The following CCDC178 variants were observed in gnomAD, a reference collection of about 807,000 sequenced individuals.
CCDC178 encodes coiled-coil domain-containing protein 178.
A neutral mutation model predicts 117.4 loss-of-function variants in CCDC178; 126 were observed. The ratio of observed to expected loss-of-function variants is 1.07; its 90% CI spans 0.93 to 1.24. The LOEUF is 1.24. CCDC178 is among the 50% of genes most tolerant of loss of function. The pLI is 0.00. For synonymous variants in CCDC178, 283 were observed against 313.4 expected (o/e 0.90, Z 1.02); for missense variants, 1,030 against 986.9 (o/e 1.04, Z -0.59).
At chr18:33,364,854 AT>A (rs2063179880) in intron 6 of CCDC178, among the ~76,000 whole-genome samples, 1 of 152,044 alleles carries the variant, frequency 6.6e-6, no homozygotes, top group South Asian at 2.1e-4. Context: ...TTGACAAACA[AT>A]AATTTCAGAG....
intron 11 of CCDC178, among the ~76,000 whole-genome samples, chr18:33,304,535 G>T (rs2062222781): frequency 6.6e-6 from 1 of 152,176 alleles, no homozygotes; most frequent in African/African-American, 2.4e-5. Context: ...AAGCAACTGA[G>T]TATAGTGCAC....
chr18:33,217,022 G>C (rs1322394130), intron 18 of CCDC178, among the ~76,000 whole-genome samples: 2 of 151,954 alleles, frequency 1.3e-5, no homozygotes, highest in African/African-American at 4.8e-5. Flanking sequence ...CCTCTTCAAA[G>C]GAATCTGGTT....
chr18:33,425,871 C>A (rs969087769), intron 2 of CCDC178, among the ~76,000 whole-genome samples: 1 of 152,058 alleles, frequency 6.6e-6, no homozygotes, highest in African/African-American at 2.4e-5. Flanking sequence ...GGTTCTACAG[C>A]CAGTAGAAAA....
At chr18:33,230,348 A>G (rs2059355513) in intron 15 of CCDC178, among the ~76,000 whole-genome samples, 1 of 152,128 alleles carries the variant, frequency 6.6e-6, no homozygotes, top group African/African-American at 2.4e-5. Context: ...GTCTAAGGTC[A>G]TGGAATTTGT....
At chr18:32,962,331 A>G (rs952634707) in intron 22 of CCDC178, among the ~76,000 whole-genome samples, 1 of 152,054 alleles carries the variant, frequency 6.6e-6, no homozygotes, top group Admixed American at 6.6e-5. Flanking sequence ...ATTTGCCAGT[A>G]TATTTCTCAT....
intron 20 of CCDC178, among the ~76,000 whole-genome samples, chr18:33,164,534 T>G (rs1244346382): frequency 6.6e-6 from 1 of 152,040 alleles, no homozygotes; most frequent in Non-Finnish European, 1.5e-5. Context: ...AAAATATGTA[T>G]TAATTCATTA....
chr18:33,080,433 AAGAAG>A (rs2057279293), intron 21 of CCDC178, among the ~76,000 whole-genome samples: 1 of 152,132 alleles, frequency 6.6e-6, no homozygotes, highest in Non-Finnish European at 1.5e-5. Flanking sequence ...TAAAAAAGAA[AAGAAG>A]AGGAGATCTG....
chr18:33,083,548 T>A (rs1236795693), intron 21 of CCDC178, among the ~76,000 whole-genome samples: 1 of 152,222 alleles, frequency 6.6e-6, no homozygotes, highest in South Asian at 2.1e-4. Context: ...TTTCCTTTTT[T>A]GTTTTTTACT....
At chr18:33,007,750 G>A (rs532655762) in intron 21 of CCDC178, among the ~76,000 whole-genome samples, 1 of 152,176 alleles carries the variant, frequency 6.6e-6, no homozygotes, top group African/African-American at 2.4e-5. Context: ...TACTTGATTG[G>A]TATGACATGA....
At chr18:33,100,365 G>GTTCA (rs112863783) in intron 20 of CCDC178, among the ~76,000 whole-genome samples, 21,539 of 151,750 alleles carry the variant, frequency 0.14, 2,342 homozygotes, top group African/African-American at 0.31. Flanking sequence ...TTTTGTCTCT[G>GTTCA]TTGTATATAT....
intron 11 of CCDC178, among the ~76,000 whole-genome samples, chr18:33,308,736 C>A (rs1030372854): frequency 3.2e-4 from 48 of 152,144 alleles, no homozygotes; most frequent in African/African-American, 1.1e-3. Flanking sequence ...CCATACTATT[C>A]TCATGATAGC....
At chr18:33,217,098 C>A (rs1193152338) in intron 18 of CCDC178, among the ~76,000 whole-genome samples, 1 of 152,042 alleles carries the variant, frequency 6.6e-6, no homozygotes, top group Non-Finnish European at 1.5e-5. Flanking sequence ...ATCTGGTCAT[C>A]TATGCTCATA....
chr18:33,100,703 AT>A (rs1171865144), intron 20 of CCDC178, among the ~76,000 whole-genome samples: 1 of 151,972 alleles, frequency 6.6e-6, no homozygotes, highest in Non-Finnish European at 1.5e-5. Context: ...AAAACACCTG[AT>A]CAATGTGGGT....
At chr18:33,269,301 G>T (rs2059858094) in intron 12 of CCDC178, among the ~76,000 whole-genome samples, 1 of 151,848 alleles carries the variant, frequency 6.6e-6, no homozygotes, top group Non-Finnish European at 1.5e-5. Flanking sequence ...AAAAGGGAAA[G>T]CTGGTGGAAT....
Position 33,267,263 on chromosome 18 carries a change from G to A in CCDC178, c.1211C>T (p.Thr404Ile), listed in dbSNP as rs780910171. 4 of 1,605,194 alleles carry A rather than the reference G, an allele frequency of 2.5e-6. No homozygotes were observed. Among genetic ancestry groups the A allele is most frequent in the Admixed American group, 1.7e-5 (1 of 57,640 alleles). ...EDLRRVYDQL[T>I]WKQKSHENQY... is the part of the protein sequence containing the mutation. ...ATTTTCATGACTTTTTTGCTTCCAG[G>A]TTAGTTGGTCATAAACTCTTCTCAA... The change falls in exon 13 of 23, where the codon ACC (threonine) becomes ATC (isoleucine). Residue 404 changes from threonine (T) to isoleucine (I), a missense_variant. Physicochemically the swap from Thr to Ile is moderately conservative, Grantham distance 89 (BLOSUM62 -1). Transcript: ENST00000383096.
At chr18:33,279,855 G>A (rs1206284748) in intron 12 of CCDC178, among the ~76,000 whole-genome samples, 1 of 152,104 alleles carries the variant, frequency 6.6e-6, no homozygotes, top group Non-Finnish European at 1.5e-5. Flanking sequence ...ATGGGGAAAG[G>A]ATTCCCTATT....
At chr18:33,424,473 T>TC (rs1019119000) in intron 2 of CCDC178, among the ~76,000 whole-genome samples, 6 of 152,284 alleles carry the variant, frequency 3.9e-5, no homozygotes, top group African/African-American at 1.2e-4. Context: ...GGCGCACACC[T>TC]CCACTTGTTA....
chr18:33,263,167 C>A (rs2059771421), intron 14 of CCDC178, among the ~76,000 whole-genome samples: 1 of 152,154 alleles, frequency 6.6e-6, no homozygotes, highest in South Asian at 2.1e-4. Context: ...CAAGTTAGCA[C>A]AGGTGTGTGA....
intron 11 of CCDC178, among the ~76,000 whole-genome samples, chr18:33,308,527 T>C (rs574203684): frequency 6.6e-6 from 1 of 152,264 alleles, no homozygotes; most frequent in Non-Finnish European, 1.5e-5. Context: ...CTGGAATGAG[T>C]TAAGCATTTG....
Sources: allele counts gnomAD v4.1 joint callset (sites outside exome capture counted in the v4.1 genomes callset), GRCh38; gene constraint gnomAD v4.1.1; transcripts MANE v1.5; gene names NCBI Gene and HGNC (gene_info 2026-07-23, HGNC 2026-07-21).